Variants in ATP6V1H observed in about 807,000 individuals in gnomAD.
ATP6V1H encodes V-type proton ATPase subunit H.
ATP6V1H carries 39 observed loss-of-function variants against 71.7 expected under a neutral mutation model. The observed-to-expected ratio is 0.54, with a 90% CI of 0.42 to 0.71. ATP6V1H has a LOEUF of 0.71. Ranked by LOEUF, ATP6V1H falls within the 30% of genes least tolerant of loss-of-function variation. The pLI, the probability that ATP6V1H is intolerant of heterozygous loss-of-function variation, is 0.00. For missense variants in ATP6V1H, 509 were observed against 594.9 expected, an observed-to-expected ratio of 0.86 and a Z score of 1.50; for synonymous variants, 192 against 199.3, an observed-to-expected ratio of 0.96 and a Z score of 0.31.
chr8:53,765,628 G>C (rs1280301963), intron 11 of ATP6V1H, among the ~76,000 whole-genome samples: 2 of 152,022 alleles, frequency 1.3e-5, no homozygotes, highest in African/African-American at 4.8e-5. Flanking sequence ...AGAAATCAAA[G>C]AAAATTGAAA....
In ATP6V1H at chr8:53,743,675, G is replaced by A. The variant is rs761638317; in HGVS notation, c.1293C>T (p.Leu431=). The change falls in exon 13 of 14, where the codon CTC becomes CTT. Residue 431 remains leucine (L), a synonymous_variant. Coordinates refer to ENST00000359530, the MANE Select transcript of ATP6V1H (RefSeq NM_015941.4). ...YPRGKRVIEQ[L]GGKQLVMNHM... ...GGTTCATGACCAGCTGCTTCCCACCGAGCTGCTCGATGACCCTGCAAACGG... is the reference window on the plus strand; with the variant it reads ...GGTTCATGACCAGCTGCTTCCCACCAAGCTGCTCGATGACCCTGCAAACGG... 24 of 1,610,828 alleles carry A rather than the reference G, an allele frequency of 1.5e-5. No homozygotes were observed. The highest frequency in any genetic ancestry group is 9.3e-5 in the African/African-American group (7 of 74,872).
chr8:53,766,547 G>A (rs983619072), intron 11 of ATP6V1H, among the ~76,000 whole-genome samples: 1 of 152,186 alleles, frequency 6.6e-6, no homozygotes, highest in African/African-American at 2.4e-5. Flanking sequence ...TGGTGAGCAG[G>A]GCAGAACAGA....
Position 53,836,211 on chromosome 8 carries a change from T to C in ATP6V1H, c.114-3125A>G, listed in dbSNP as rs1811156988. Among the ~76,000 whole-genome samples the C allele has an allele frequency of 3.3e-5, 5 of 152,196 alleles. No homozygotes were observed. In the South Asian group the frequency reaches 1.0e-3, roughly 32 times the overall value. On this transcript the variant is annotated intron_variant, in intron 2 of 13. Transcript: ENST00000359530. Reference sequence around the variant, plus strand: ...TAAACCTGAACTTCCTAGATAAAAATAATTTTACCCCTAAATTTTGCTATG... The same window carrying C: ...TAAACCTGAACTTCCTAGATAAAAACAATTTTACCCCTAAATTTTGCTATG...
chr8:53,814,682 T>C lies in ATP6V1H; in HGVS notation c.505A>G (p.Lys169Glu). 6.2e-7 allele frequency: 1 copy of C among 1,610,728 alleles called. No individual in the cohort carries two copies. The highest frequency in any genetic ancestry group is 8.5e-7 in the Non-Finnish European group (1 of 1,178,026). ...TTTACCTGTGAACTCAGCTGAGTTT[T>C]TATCCAATTGAAATAGTAATTTAAG... ...SDLNYYFNWI[K>E]TQLSSQKLRG... The change falls in exon 6 of 14, where the codon AAA becomes GAA. Residue 169 changes from lysine (K) to glutamate (E), a missense_variant. This residue lies in a region of ATP6V1H where 297 missense variants were observed against 303.3 expected (regional missense o/e 0.98). Coordinates refer to ENST00000359530, the MANE Select transcript of ATP6V1H (RefSeq NM_015941.4).
intron 9 of ATP6V1H, among the ~76,000 whole-genome samples, chr8:53,783,988 T>C (rs1185401834): frequency 6.6e-6 from 1 of 152,170 alleles, no homozygotes; most frequent in Non-Finnish European, 1.5e-5. Context: ...GGAATAGGTG[T>C]GGTGTGGTGC....
At chr8:53,791,320 T>C (rs1025858095) in intron 9 of ATP6V1H, among the ~76,000 whole-genome samples, 4 of 151,968 alleles carry the variant, frequency 2.6e-5, no homozygotes, top group African/African-American at 9.7e-5. Context: ...TGCCCAAGAG[T>C]GTGAGCACAA....
chr8:53,728,104 G>C (rs1338396195), intron 13 of ATP6V1H, among the ~76,000 whole-genome samples: 1 of 152,206 alleles, frequency 6.6e-6, no homozygotes, highest in African/African-American at 2.4e-5. Context: ...GCAGCAGGCA[G>C]GGTGACGTCA....
Position 53,814,716 on chromosome 8 carries a change from T to A in ATP6V1H, c.471A>T (p.Glu157Asp), listed in dbSNP as rs1391905217. ...TGAAATAGTAATTTAAGTCACTGCC[T>A]TCCATCAGTTCTTTTCCCCAAGCTG... Reference protein sequence around the residue: ...KLAAWGKELMEGSDLNYYFNW... With the variant: ...KLAAWGKELMDGSDLNYYFNW... Residue 157 changes from glutamate to aspartate, a missense_variant, in exon 6 of 14, where the codon GAA becomes GAT. Glu to Asp is a conservative substitution (Grantham distance 45). Transcript: ENST00000359530. 1 of 1,613,006 alleles carries A rather than the reference T, an allele frequency of 6.2e-7. No homozygotes were observed. The highest frequency in any genetic ancestry group is 1.1e-5 in the South Asian group (1 of 90,814).
chr8:53,730,343 A>G (rs1806975204), intron 13 of ATP6V1H, among the ~76,000 whole-genome samples: 1 of 152,260 alleles, frequency 6.6e-6, no homozygotes, highest in Non-Finnish European at 1.5e-5. Flanking sequence ...ACTTCGTTCA[A>G]CTAAGATATT....
chr8:53,763,980 C>T lies in ATP6V1H; in HGVS notation c.1175+5638G>A, dbSNP rs1340101565. On this transcript the variant is annotated intron_variant, in intron 11 of 13. Transcript: ENST00000359530. Reference sequence around the variant, plus strand: ...GTTAGGTGGCCTTCACAGTGCTCACCTAAGGAGAAGTGGATAATCTGAATA... The same window carrying T: ...GTTAGGTGGCCTTCACAGTGCTCACTTAAGGAGAAGTGGATAATCTGAATA... 2.0e-5 allele frequency among the ~76,000 whole-genome samples: 3 copies of T among 152,142 alleles called. No individual in the cohort carries two copies. In the East Asian group the frequency reaches 5.8e-4, roughly 29 times the overall value.
rs565529825 is a variant in ATP6V1H, at chr8:53,781,236, A to C, written c.871-9069T>G. Reference sequence around the variant, plus strand: ...TGACTTTTTAATAATCGCCATTCTAACTGGTGTGAGATGGTATCTCACTGT... The same window carrying C: ...TGACTTTTTAATAATCGCCATTCTACCTGGTGTGAGATGGTATCTCACTGT... On this transcript the variant is annotated intron_variant, in intron 9 of 13. Transcript: ENST00000359530. 3.9e-5 allele frequency among the ~76,000 whole-genome samples: 6 copies of C among 152,268 alleles called. No homozygotes were observed. The South Asian group carries it at 1.2e-3, about 32-fold the overall frequency.
chr8:53,839,825 G>A (rs1811286852), intron 2 of ATP6V1H: 2 of 985,248 alleles, frequency 2.0e-6, no homozygotes, highest in Non-Finnish European at 2.4e-6. Flanking sequence ...TATCAATCAT[G>A]GGCTTCACAG....
intron 13 of ATP6V1H, among the ~76,000 whole-genome samples, chr8:53,717,847 C>T (rs1379101915): frequency 1.3e-5 from 2 of 152,080 alleles, no homozygotes; most frequent in Admixed American, 1.3e-4. Context: ...AGGAGGTCTT[C>T]AAATATTTCA....
At chr8:53,718,551 G>A (rs1296551611) in intron 13 of ATP6V1H, among the ~76,000 whole-genome samples, 1 of 151,972 alleles carries the variant, frequency 6.6e-6, no homozygotes, top group African/African-American at 2.4e-5. Flanking sequence ...CACCATGCCT[G>A]GCTAATTTTT....
intron 9 of ATP6V1H, among the ~76,000 whole-genome samples, chr8:53,786,215 AC>A (rs1373574507): frequency 6.6e-6 from 1 of 152,058 alleles, no homozygotes; most frequent in Non-Finnish European, 1.5e-5. Context: ...CGCTTCGTTT[AC>A]CTACTCAAGC....
intron 9 of ATP6V1H, among the ~76,000 whole-genome samples, chr8:53,790,773 T>C (rs1287878622): frequency 2.0e-5 from 3 of 152,224 alleles, no homozygotes; most frequent in African/African-American, 4.8e-5. Flanking sequence ...CTCCTTCAGC[T>C]ATTTAGTGCC....
intron 13 of ATP6V1H, among the ~76,000 whole-genome samples, chr8:53,718,573 A>G (rs1442120724): frequency 6.6e-6 from 1 of 151,920 alleles, no homozygotes; most frequent in African/African-American, 2.4e-5. Context: ...TATATTTTGT[A>G]CAGACAGGGT....
chr8:53,754,700 TATA>T (rs1440631204), intron 12 of ATP6V1H, among the ~76,000 whole-genome samples: 6 of 152,192 alleles, frequency 3.9e-5, no homozygotes, highest in African/African-American at 1.4e-4. Flanking sequence ...TTCCATGAAG[TATA>T]ATACCAGGGT....
At chr8:53,717,463 A>G (rs923053570) in intron 13 of ATP6V1H, among the ~76,000 whole-genome samples, 1 of 152,226 alleles carries the variant, frequency 6.6e-6, no homozygotes, top group African/African-American at 2.4e-5. Context: ...CCATCCTTCA[A>G]GGAAAGTTCT....
Sources: allele counts gnomAD v4.1 joint callset (sites outside exome capture counted in the v4.1 genomes callset), GRCh38; gene constraint gnomAD v4.1.1; regional missense constraint gnomAD v4.1.1; transcripts MANE v1.5; gene names NCBI Gene and HGNC (gene_info 2026-07-23, HGNC 2026-07-21).